Variants in FAM124A observed in about 807,000 individuals in gnomAD.
FAM124A encodes family with sequence similarity 124 member A, also known as protein FAM124A.
A neutral mutation model predicts 24.5 loss-of-function variants in FAM124A; 23 were observed. The ratio of observed to expected loss-of-function variants is 0.94; its 90% CI spans 0.68 to 1.33. The LOEUF is 1.33. Among genes scored for constraint, FAM124A ranks in the 40% most tolerant of loss-of-function variants. The pLI, the probability that FAM124A is intolerant of heterozygous loss-of-function variation, is 0.00. For missense variants in FAM124A, 623 were observed against 722.8 expected, an observed-to-expected ratio of 0.86 and a Z score of 1.58; for synonymous variants, 287 against 314.7, an observed-to-expected ratio of 0.91 and a Z score of 0.93.
chr13:51,269,575 A>G (rs1278593910), intron 3 of FAM124A, among the ~76,000 whole-genome samples: 3 of 152,240 alleles, frequency 2.0e-5, no homozygotes, highest in Non-Finnish European at 4.4e-5. Context: ...TTGTTTATGA[A>G]TAAGACCACT....
At chr13:51,259,937 G>T (rs80222582) in intron 3 of FAM124A, among the ~76,000 whole-genome samples, 5,584 of 152,302 alleles carry the variant, frequency 0.037, 181 homozygotes, top group East Asian at 0.16. Flanking sequence ...GTAGGGGTGT[G>T]TGCAGGAGGC....
intron 2 of FAM124A, among the ~76,000 whole-genome samples, chr13:51,248,543 G>GC (rs1954587912): frequency 6.6e-6 from 1 of 152,186 alleles, no homozygotes; most frequent in African/African-American, 2.4e-5. Flanking sequence ...AGTGGCTCTT[G>GC]CCCTGCGTCT....
At chr13:51,222,807 G>A (rs1226904725) in intron 1 of FAM124A, among the ~76,000 whole-genome samples, 1 of 152,180 alleles carries the variant, frequency 6.6e-6, no homozygotes, top group Non-Finnish European at 1.5e-5. Flanking sequence ...CATCCTGTGA[G>A]GCGATGCAGA....
In FAM124A at chr13:51,235,053, G is replaced by A. The variant is rs1351205747; in HGVS notation, c.100+3674G>A. 4.0e-5 allele frequency among the ~76,000 whole-genome samples: 6 copies of A among 151,408 alleles called. No homozygotes were observed. The Admixed American group carries it at 4.0e-4, about 10-fold the overall frequency. On this transcript the variant is annotated intron_variant, in intron 2 of 3. Coordinates refer to ENST00000322475, the MANE Select transcript of FAM124A (RefSeq NM_001242312.2). ...CCAGATCCGGGGGATGTGACCGGGGGGCTTCTTTAATGGATGGTTTGGTTT... is the reference window on the plus strand; with the variant it reads ...CCAGATCCGGGGGATGTGACCGGGGAGCTTCTTTAATGGATGGTTTGGTTT...
At chr13:51,229,671 T>C (rs1954353667) in intron 1 of FAM124A, among the ~76,000 whole-genome samples, 1 of 152,226 alleles carries the variant, frequency 6.6e-6, no homozygotes, top group Non-Finnish European at 1.5e-5. Context: ...ATGACATTTC[T>C]TTAAAGTCTG....
At chr13:51,226,011 T>TA in intron 1 of FAM124A, among the ~76,000 whole-genome samples, 1 of 108,504 alleles carries the variant, frequency 9.2e-6, no homozygotes. Flanking sequence ...TTTTTTTTTT[T>TA]AACAGACAGG....
chr13:51,241,101 CAG>C (rs1954486665), intron 2 of FAM124A, among the ~76,000 whole-genome samples: 1 of 152,212 alleles, frequency 6.6e-6, no homozygotes, highest in African/African-American at 2.4e-5. Context: ...GCTCTTGCAA[CAG>C]AGAGCCTTGC....
rs563845428 is a variant in FAM124A at position 51,281,144 on chromosome 13, C to G, written c.1529C>G (p.Ser510Cys). 1 of 1,614,100 alleles carries G rather than the reference C, an allele frequency of 6.2e-7. No individual in the cohort carries two copies. The highest frequency in any genetic ancestry group is 8.5e-7 in the Non-Finnish European group (1 of 1,180,028). The part of the protein sequence containing the change: ...APSTSTLTDS[S>C]PQLPCDTPKV... ...AGCACCTCCACCCTCACAGACTCCT[C>G]CCCACAGCTCCCATGCGATACCCCC... is the stretch of plus-strand genomic sequence containing the variant. The change falls in exon 4 of 4, where the codon TCC (serine) becomes TGC (cysteine). Residue 510 changes from serine to cysteine, a missense_variant. Ser to Cys is a moderately radical substitution (Grantham distance 112). Coordinates refer to ENST00000322475, the MANE Select transcript of FAM124A (RefSeq NM_001242312.2).
intron 3 of FAM124A, among the ~76,000 whole-genome samples, chr13:51,265,095 G>A (rs949367993): frequency 6.6e-6 from 1 of 152,130 alleles, no homozygotes; most frequent in Non-Finnish European, 1.5e-5. Flanking sequence ...TACCAGTCAG[G>A]GCTCACTCAG....
At chr13:51,250,710 C>T (rs1190835900) in intron 2 of FAM124A, among the ~76,000 whole-genome samples, 1 of 152,204 alleles carries the variant, frequency 6.6e-6, no homozygotes, top group Admixed American at 6.5e-5. Context: ...TTCCTTCCAC[C>T]CTAACCTCAG....
intron 2 of FAM124A, among the ~76,000 whole-genome samples, chr13:51,237,796 C>G (rs915684526): frequency 1.6e-4 from 25 of 152,092 alleles, no homozygotes; most frequent in Non-Finnish European, 3.5e-4. Flanking sequence ...TCTTGTATAC[C>G]TATAGCTACT....
chr13:51,267,264 G>T (rs1258827586), intron 3 of FAM124A, among the ~76,000 whole-genome samples: 14 of 152,194 alleles, frequency 9.2e-5, no homozygotes, highest in Admixed American at 9.2e-4. Flanking sequence ...TCCTGTGGAA[G>T]AAATGACCAC....
At chr13:51,232,989 C>G (rs1441799185) in intron 2 of FAM124A, among the ~76,000 whole-genome samples, 1 of 152,174 alleles carries the variant, frequency 6.6e-6, no homozygotes, top group East Asian at 1.9e-4. Flanking sequence ...CCTGCTATTG[C>G]TCTTCCTTTC....
At chr13:51,238,417 A>G (rs1954458775) in intron 2 of FAM124A, among the ~76,000 whole-genome samples, 1 of 152,250 alleles carries the variant, frequency 6.6e-6, no homozygotes, top group Non-Finnish European at 1.5e-5. Context: ...CATCCCTGAT[A>G]CAGGTGGCTT....
chr13:51,234,745 A>C (rs904365690), intron 2 of FAM124A, among the ~76,000 whole-genome samples: 10 of 152,152 alleles, frequency 6.6e-5, no homozygotes, highest in African/African-American at 2.4e-4. Flanking sequence ...CCAGCATAAA[A>C]ATCTGGAAGC....
rs143288577 is a variant in FAM124A at position 51,264,424 on chromosome 13, C to T, written c.834+12223C>T. On this transcript the variant is annotated intron_variant, in intron 3 of 3. Coordinates refer to ENST00000322475, the MANE Select transcript of FAM124A (RefSeq NM_001242312.2). ...ATCAGTCCCTCCTCAGTGGCCTGTGCTTTGAGATCTCTCTTAACTGAAACT... is the reference window on the plus strand; with the variant it reads ...ATCAGTCCCTCCTCAGTGGCCTGTGTTTTGAGATCTCTCTTAACTGAAACT... 2.3e-3 allele frequency among the ~76,000 whole-genome samples: 355 copies of T among 152,298 alleles called. 3 individuals are homozygous for T. The highest frequency in any genetic ancestry group is 8.3e-3 in the African/African-American group (345 of 41,564).
chr13:51,256,081 G>T (rs1954671779), intron 3 of FAM124A, among the ~76,000 whole-genome samples: 1 of 152,212 alleles, frequency 6.6e-6, no homozygotes, highest in Non-Finnish European at 1.5e-5. Context: ...AGGCCTGAAT[G>T]GAAGGCCGCC....
intron 2 of FAM124A, among the ~76,000 whole-genome samples, chr13:51,244,418 T>C (rs1327384779): frequency 6.6e-6 from 1 of 152,258 alleles, no homozygotes; most frequent in East Asian, 1.9e-4. Flanking sequence ...GTAAACATTC[T>C]TTGATTAAAT....
intron 1 of FAM124A, among the ~76,000 whole-genome samples, chr13:51,222,877 A>G (rs1954276000): frequency 6.6e-6 from 1 of 152,194 alleles, no homozygotes; most frequent in Non-Finnish European, 1.5e-5. Context: ...ATGCTCTTGC[A>G]CTTGTTTCCT....
Sources: gnomAD v4.1 joint callset for allele counts (sites outside exome capture counted in the v4.1 genomes callset) on GRCh38, gnomAD v4.1.1 for gene constraint, MANE v1.5 for transcripts, NCBI Gene and HGNC (gene_info 2026-07-23, HGNC 2026-07-21) for gene names.